PECAM1: variants seen among roughly 807,000 people sequenced by gnomAD.
The protein encoded by PECAM1 is platelet endothelial cell adhesion molecule.
A neutral mutation model predicts 13.8 loss-of-function variants in PECAM1; 8 were observed. The observed-to-expected ratio is 0.58, with a 90% CI of 0.34 to 1.05. The LOEUF (loss-of-function observed/expected upper bound fraction) is 1.05, where lower values mean the gene tolerates loss of function less well. Among genes scored for constraint, PECAM1 ranks in the 50% least tolerant of loss-of-function variants. The pLI is 0.03. For synonymous variants in PECAM1, 136 were observed against 52.6 expected (o/e 2.58, Z -6.86); for missense variants, 304 against 141.2 (o/e 2.15, Z -5.84).
rs1028739603 is a variant in PECAM1, at chr17:64,379,899, T to C, written c.92-1782A>G. ...AATCAGCTGGGCATGATGGCATGTGTCTGTAGTCCCAGCTACTCAGGAGGC... is the reference window on the plus strand; with the variant it reads ...AATCAGCTGGGCATGATGGCATGTGCCTGTAGTCCCAGCTACTCAGGAGGC... On this transcript the variant is annotated intron_variant, in intron 2 of 15. Transcript: ENST00000563924. 3.3e-5 allele frequency among the ~76,000 whole-genome samples: 5 copies of C among 151,324 alleles called. No individual in the cohort carries two copies. The South Asian group carries it at 1.0e-3, about 32-fold the overall frequency.
chr17:64,377,641 G>A (rs2036393676), intron 3 of PECAM1, 183 bp downstream of exon 3: 1 of 405,272 alleles, frequency 2.5e-6, no homozygotes, highest in Admixed American at 4.3e-5. Context: ...AGGAAGGAAG[G>A]GCCTGGCCTA....
In PECAM1 at chr17:64,323,572, G is replaced by A. The variant is rs928368440; in HGVS notation, c.*244C>T. On this transcript the variant is annotated 3_prime_UTR_variant, in exon 16 of 16. Coordinates refer to ENST00000563924, the MANE Select transcript of PECAM1 (RefSeq NM_000442.5). ...CTCTTGTGCTCTTCCAATTTCCAAG[G>A]ATGTTCCAACTTGGTGGAAGGAGGG... 14 of 1,418,070 alleles carry A rather than the reference G, an allele frequency of 9.9e-6. No individual in the cohort carries two copies. In the South Asian group the frequency reaches 2.1e-4, roughly 21 times the overall value. 87.8% of individuals were successfully genotyped at this position (1,418,070 alleles called of 1,614,324 possible).
At chr17:64,373,760 A>C (rs2143860969) in intron 4 of PECAM1, among the ~76,000 whole-genome samples, 1 of 152,310 alleles carries the variant, frequency 6.6e-6, no homozygotes, top group East Asian at 1.9e-4. Flanking sequence ...CACAATGGGC[A>C]GGATAAAGTG....
chr17:64,353,578 T>C (rs2035781064), intron 9 of PECAM1, 60 bp from the exon 10 acceptor site: 6 of 451,494 alleles, frequency 1.3e-5, no homozygotes, highest in South Asian at 9.0e-5. Context: ...CATACCACTA[T>C]AATGGCCAAA....
chr17:64,386,703 A>G (rs931352303), intron 2 of PECAM1, among the ~76,000 whole-genome samples: 1 of 151,898 alleles, frequency 6.6e-6, no homozygotes, highest in African/African-American at 2.4e-5. Flanking sequence ...AGGCCGAGGC[A>G]GGAGGATGGC....
Position 64,369,809 on chromosome 17 carries a change from G to C in PECAM1, c.908C>G (p.Thr303Arg). 1 of 398,670 alleles carries C rather than the reference G, an allele frequency of 2.5e-6. No homozygotes were observed. Among genetic ancestry groups the C allele is most frequent in the Non-Finnish European group, 4.4e-6 (1 of 226,102 alleles). 24.7% of individuals were successfully genotyped at this position (398,670 alleles called of 1,614,324 possible). The change falls in exon 5 of 16, where the codon ACG (threonine) becomes AGG (arginine). Residue 303 changes from threonine (T) to arginine (R), a missense_variant. Transcript: ENST00000563924. ...MAMVEHSGNYTCKVESSRISK... is the reference protein window; with the variant it reads ...MAMVEHSGNYRCKVESSRISK... ...TATGCGGCTGGACTCCACTTTGCAC[G>C]TGTAGTTGCCACTGTGCTCCACCAT...
chr17:64,337,270 C>T (rs1294986402), intron 14 of PECAM1, among the ~76,000 whole-genome samples: 2 of 152,096 alleles, frequency 1.3e-5, no homozygotes, highest in Admixed American at 1.3e-4. Context: ...GGTTGTAGAG[C>T]GACAGAGCCC....
At chr17:64,340,571 G>A (rs2035400586) in intron 14 of PECAM1, among the ~76,000 whole-genome samples, 1 of 152,038 alleles carries the variant, frequency 6.6e-6, no homozygotes, top group Non-Finnish European at 1.5e-5. Context: ...TTGTCATTGT[G>A]TATTTCATTT....
rs1287510897 is a variant in PECAM1, at chr17:64,356,188, C to G, written c.1703G>C (p.Gly568Ala). 4.2e-6 allele frequency: 2 copies of G among 474,836 alleles called. No homozygotes were observed. Among genetic ancestry groups the G allele is most frequent in the African/African-American group, 4.0e-5 (2 of 50,400 alleles). 29.4% of individuals were successfully genotyped at this position (474,836 alleles called of 1,614,324 possible). ...GTTGAAGGCTGTGCAGTAATACTCT[C>G]CCTCCTGTTCCTTGCTAGCCTTCTG... ...TKQKASKEQE[G>A]EYYCTAFNRA... is the part of the protein sequence containing the mutation. Residue 568 changes from glycine (G) to alanine (A), a missense_variant, in exon 8 of 16, where the codon GGA (glycine) becomes GCA (alanine). Transcript: ENST00000563924.
chr17:64,367,211 T>C (rs2036129054), intron 5 of PECAM1, among the ~76,000 whole-genome samples: 1 of 151,980 alleles, frequency 6.6e-6, no homozygotes, highest in Non-Finnish European at 1.5e-5. Context: ...AGTGCTTACA[T>C]TTAGTGGTTG....
chr17:64,361,317 T>C (rs1234094392), intron 6 of PECAM1, among the ~76,000 whole-genome samples: 2 of 152,194 alleles, frequency 1.3e-5, no homozygotes, highest in East Asian at 3.9e-4. Context: ...GGCTAACTTT[T>C]GTATTTTTAG....
intron 2 of PECAM1, among the ~76,000 whole-genome samples, chr17:64,381,871 C>A (rs957034771): frequency 1.2e-4 from 19 of 152,078 alleles, no homozygotes; most frequent in Non-Finnish European, 2.5e-4. Context: ...GAGGCCGAGG[C>A]GGGTGGATCA....
intron 5 of PECAM1, among the ~76,000 whole-genome samples, chr17:64,364,351 G>A: frequency 6.6e-6 from 1 of 151,956 alleles, no homozygotes; most frequent in East Asian, 1.9e-4. Context: ...CAACCAAAAA[G>A]AGTCCAGGAC....
At chr17:64,350,760 G>A (rs908404081) in intron 11 of PECAM1, among the ~76,000 whole-genome samples, 10 of 151,022 alleles carry the variant, frequency 6.6e-5, no homozygotes, top group African/African-American at 1.5e-4. Flanking sequence ...TCCTAGTCTC[G>A]CTTTGTTGCA....
At chr17:64,325,703 C>T (rs577893803) in intron 15 of PECAM1, among the ~76,000 whole-genome samples, 6 of 152,310 alleles carry the variant, frequency 3.9e-5, no homozygotes, top group African/African-American at 1.4e-4. Context: ...CACCCCTGCA[C>T]TCCAGCCTGG....
rs1272727567 is a variant in PECAM1 at position 64,375,059 on chromosome 17, G to A, written c.683C>T (p.Thr228Ile). The part of the protein sequence containing the change: ...TSESTKSELV[T>I]VTESFSTPKF... ...GGGAGCAGGATGCTGACCCGTCACGGTGACCAGTTCACTCTTGGTAGATTC... is the reference window on the plus strand; with the variant it reads ...GGGAGCAGGATGCTGACCCGTCACGATGACCAGTTCACTCTTGGTAGATTC... Residue 228 changes from threonine to isoleucine, a missense_variant, in exon 4 of 16, where the codon ACC becomes ATC. By Grantham distance (89) the Thr-to-Ile change is moderately conservative (BLOSUM62 -1). Coordinates refer to ENST00000563924, the MANE Select transcript of PECAM1 (RefSeq NM_000442.5). 4.2e-6 allele frequency: 2 copies of A among 475,152 alleles called. No individual in the cohort carries two copies. Among genetic ancestry groups the A allele is most frequent in the Non-Finnish European group, 7.7e-6 (2 of 259,030 alleles). 29.4% of individuals were successfully genotyped at this position (475,152 alleles called of 1,614,324 possible). A position where few individuals can be genotyped will look rare whatever the true frequency, so the allele number is the denominator to read the frequency against.
In PECAM1 at chr17:64,375,301, G is replaced by A. The variant is rs960741942; in HGVS notation, c.441C>T (p.Ile147=). 98 of 475,124 alleles carry A rather than the reference G, an allele frequency of 2.1e-4. 1 individual carries two copies. The South Asian group carries it at 5.6e-3, about 27-fold the overall frequency. 29.4% of individuals were successfully genotyped at this position (475,124 alleles called of 1,614,324 possible). A position where few individuals can be genotyped will look rare whatever the true frequency, so the allele number is the denominator to read the frequency against. ...CTGGGACAGAACAGTTGACCCTCAC[G>A]ATCCCACCTTGGATGGCCTCTTTCT... ...LDKKEAIQGG[I]VRVNCSVPEE... The change falls in exon 4 of 16, where the codon ATC becomes ATT. Residue 147 remains isoleucine (I), a synonymous_variant. Coordinates refer to ENST00000563924, the MANE Select transcript of PECAM1 (RefSeq NM_000442.5).
rs2035407338 is a variant in PECAM1 at position 64,340,787 on chromosome 17, A to T, written c.2164+847T>A. Among the ~76,000 whole-genome samples the T allele has an allele frequency of 2.0e-5, 3 of 152,164 alleles. No homozygotes were observed. The South Asian group carries it at 6.2e-4, about 32-fold the overall frequency. On this transcript the variant is annotated intron_variant, in intron 14 of 15. Coordinates refer to ENST00000563924, the MANE Select transcript of PECAM1 (RefSeq NM_000442.5). The stretch of plus-strand genomic sequence containing the variant: ...TCCGCAAACCCACACCCACTCCCAA[A>T]GTCAGTCTACTGTCAGAAAAGCTGA...
intron 12 of PECAM1, 83 bp from the exon 13 acceptor site, chr17:64,348,405 T>TTA: frequency 2.4e-6 from 1 of 413,586 alleles, no homozygotes; most frequent in Non-Finnish European, 4.3e-6. Context: ...AGACTTTCTT[T>TTA]TCTTTTTTTT....
Sources: allele counts gnomAD v4.1 joint callset (sites outside exome capture counted in the v4.1 genomes callset), GRCh38; gene constraint gnomAD v4.1.1; transcripts MANE v1.5; gene names NCBI Gene and HGNC (gene_info 2026-07-23, HGNC 2026-07-21).